Variants in ZFAND6 observed in about 807,000 individuals in gnomAD.
ZFAND6 encodes AN1-type zinc finger protein 6.
In ZFAND6, 12 loss-of-function variants were observed where a neutral mutation model predicts 24.5. That is an observed-to-expected ratio of 0.49 (90% confidence interval 0.31 to 0.79). The LOEUF (loss-of-function observed/expected upper bound fraction) is 0.79, where lower values mean the gene tolerates loss of function less well. ZFAND6 is among the 30% of genes least tolerant of loss of function. The pLI, the probability that ZFAND6 is intolerant of heterozygous loss-of-function variation, is 0.04. For synonymous variants in ZFAND6, 92 were observed against 81.5 expected (o/e 1.13, Z -0.69); for missense variants, 207 against 245.9 (o/e 0.84, Z 1.06).
At chr15:80,074,525 A>G (rs1254707939) in intron 1 of ZFAND6, among the ~76,000 whole-genome samples, 2 of 151,924 alleles carry the variant, frequency 1.3e-5, no homozygotes, top group Non-Finnish European at 3.0e-5. Flanking sequence ...AAAAACATGT[A>G]TGAATAACCT....
chr15:80,060,330 C>G (rs1467225015), intron 1 of ZFAND6: 2 of 152,314 alleles, frequency 1.3e-5, no homozygotes, highest in African/African-American at 4.8e-5. Context: ...TCCTGACTGG[C>G]ACCGGGAAGG....
intron 5 of ZFAND6, chr15:80,130,281 T>C (rs1167673685): frequency 2.0e-5 from 3 of 152,056 alleles, no homozygotes; most frequent in Non-Finnish European, 1.5e-5. Flanking sequence ...AGGACCTAGA[T>C]CAAATGGGGA....
chr15:80,084,354 G>A (rs1310219491), intron 1 of ZFAND6, among the ~76,000 whole-genome samples: 8 of 152,132 alleles, frequency 5.3e-5, no homozygotes, highest in Non-Finnish European at 2.9e-5. Context: ...TTTCAGATTA[G>A]GGATGCTCAA....
chr15:80,078,785 A>G (rs867856369), intron 1 of ZFAND6, among the ~76,000 whole-genome samples: 12 of 149,546 alleles, frequency 8.0e-5, no homozygotes, highest in African/African-American at 3.0e-4. Context: ...TTTGATTTTG[A>G]TTTGCATTTC....
At chr15:80,106,107 C>T (rs749495054) in intron 2 of ZFAND6, among the ~76,000 whole-genome samples, 4 of 152,040 alleles carry the variant, frequency 2.6e-5, no homozygotes, top group Non-Finnish European at 5.9e-5. Flanking sequence ...TAATAGCTAG[C>T]GGAGTGATAG....
chr15:80,118,558 G>T (rs541964738), intron 2 of ZFAND6, among the ~76,000 whole-genome samples: 3 of 152,236 alleles, frequency 2.0e-5, no homozygotes, highest in Admixed American at 2.0e-4. Context: ...TGTGATATGT[G>T]TGTGTATGTA....
intron 1 of ZFAND6, among the ~76,000 whole-genome samples, chr15:80,089,841 C>T (rs2038243272): frequency 6.6e-6 from 1 of 152,160 alleles, no homozygotes; most frequent in South Asian, 2.1e-4. Context: ...TAACTCTCCA[C>T]CCTTCTAGGT....
intron 1 of ZFAND6, among the ~76,000 whole-genome samples, chr15:80,073,668 A>G (rs2037105044): frequency 1.3e-5 from 2 of 151,950 alleles, no homozygotes; most frequent in African/African-American, 4.8e-5. Flanking sequence ...ACCCACCAGC[A>G]GATCATTGTT....
intron 1 of ZFAND6, among the ~76,000 whole-genome samples, chr15:80,095,655 C>A (rs776258093): frequency 2.0e-5 from 3 of 152,062 alleles, no homozygotes; most frequent in African/African-American, 4.8e-5. Flanking sequence ...TAGTAGGAAC[C>A]GCTTTGAGCT....
intron 2 of ZFAND6, among the ~76,000 whole-genome samples, chr15:80,117,314 CT>C (rs1314338431): frequency 6.6e-6 from 1 of 152,210 alleles, no homozygotes; most frequent in African/African-American, 2.4e-5. Flanking sequence ...GCTCCGCCCC[CT>C]GGCTTCATGC....
chr15:80,130,668 C>A (rs532244251), intron 5 of ZFAND6: 1 of 152,542 alleles, frequency 6.6e-6, no homozygotes, highest in East Asian at 1.9e-4. Context: ...TTCAATTTGC[C>A]TTATTTCTAA....
In ZFAND6 at chr15:80,111,538, C is replaced by G. The variant is rs193190766; in HGVS notation, c.-17-8790C>G. On this transcript the variant is annotated intron_variant, in intron 2 of 6. Coordinates refer to ENST00000261749, the MANE Select transcript of ZFAND6 (RefSeq NM_019006.4). ...GTTTTCTAGAATCTATCTTCAGATG[C>G]AAACAATACAGTGGCCTCTTGGTGA... is the stretch of plus-strand genomic sequence containing the variant. 1.8e-4 allele frequency: 81 copies of G among 455,894 alleles called. 1 individual carries two copies. Among genetic ancestry groups the G allele is most frequent in the African/African-American group, 1.5e-3 (77 of 50,168 alleles). 28.2% of individuals were successfully genotyped at this position (455,894 alleles called of 1,614,324 possible).
At chr15:80,103,840 G>A (rs57352706) in intron 2 of ZFAND6, among the ~76,000 whole-genome samples, 1,947 of 152,216 alleles carry the variant, frequency 0.013, 41 homozygotes, top group African/African-American at 0.044. Context: ...TGAATGATAA[G>A]TTCATTATTA....
At chr15:80,130,891 A>C in intron 5 of ZFAND6, 1 of 316,500 alleles carries the variant, frequency 3.2e-6, no homozygotes, top group East Asian at 5.1e-5. Context: ...TTATTGATTA[A>C]ATTTGTAGTT....
intron 1 of ZFAND6, among the ~76,000 whole-genome samples, chr15:80,094,929 C>T (rs56076738): frequency 0.15 from 22,312 of 152,056 alleles, 1,757 homozygotes; most frequent in East Asian, 0.19. Context: ...AGTGCCATCA[C>T]GCCCGGCTCG....
At chr15:80,080,345 T>C (rs1384812716) in intron 1 of ZFAND6, among the ~76,000 whole-genome samples, 1 of 152,212 alleles carries the variant, frequency 6.6e-6, no homozygotes, top group Non-Finnish European at 1.5e-5. Context: ...TAAAATTATA[T>C]ATACAGTAGT....
chr15:80,112,943 T>C lies in ZFAND6; in HGVS notation c.-17-7385T>C, dbSNP rs1033431902. On this transcript the variant is annotated intron_variant, in intron 2 of 6. Transcript: ENST00000261749. ...CTCTTCTGGGATCCATTTGATACAA[T>C]TGCAAAGAGAATTCACCCATTCTGA... 2.5e-5 allele frequency: 11 copies of C among 443,508 alleles called. No individual in the cohort carries two copies. In the Admixed American group the frequency reaches 2.7e-4, roughly 11 times the overall value. 27.5% of individuals were successfully genotyped at this position (443,508 alleles called of 1,614,324 possible). A position where few individuals can be genotyped will look rare whatever the true frequency, so the allele number is the denominator to read the frequency against.
intron 6 of ZFAND6, among the ~76,000 whole-genome samples, chr15:80,135,720 A>G (rs1596326328): frequency 6.6e-6 from 1 of 152,346 alleles, no homozygotes; most frequent in East Asian, 1.9e-4. Flanking sequence ...GGATTGCTTC[A>G]GGCCAGGAAT....
At chr15:80,084,558 T>A (rs2037877880) in intron 1 of ZFAND6, among the ~76,000 whole-genome samples, 1 of 152,216 alleles carries the variant, frequency 6.6e-6, no homozygotes, top group South Asian at 2.1e-4. Flanking sequence ...TTGATTTAAT[T>A]ACTAATTTAC....
Sources: allele counts gnomAD v4.1 joint callset (sites outside exome capture counted in the v4.1 genomes callset), GRCh38; gene constraint gnomAD v4.1.1; transcripts MANE v1.5; gene names NCBI Gene and HGNC (gene_info 2026-07-23, HGNC 2026-07-21).